GNG4: variants seen among roughly 807,000 people sequenced by gnomAD.
The protein encoded by GNG4 is guanine nucleotide-binding protein G(I)/G(S)/G(O) subunit gamma-4.
Under a neutral mutation model 5.8 loss-of-function variants are expected in GNG4, and 4 were observed. The observed-to-expected ratio is 0.69, with a 90% CI of 0.34 to 1.57. The LOEUF is 1.57. Ranked by LOEUF, GNG4 falls within the 40% of genes most tolerant of loss-of-function variation. GNG4 has a pLI of 0.06. For missense variants in GNG4, 96 were observed against 95.1 expected, an observed-to-expected ratio of 1.01 and a Z score of -0.04; for synonymous variants, 29 against 32.9, an observed-to-expected ratio of 0.88 and a Z score of 0.41.
intron 3 of GNG4, among the ~76,000 whole-genome samples, chr1:235,570,517 C>T (rs1469200065): frequency 6.6e-6 from 1 of 151,702 alleles, no homozygotes; most frequent in African/African-American, 2.4e-5. Context: ...CTGCCTCAGC[C>T]TCCCGAGTAG....
chr1:235,590,762 A>G (rs949170277), intron 2 of GNG4, among the ~76,000 whole-genome samples: 1 of 151,990 alleles, frequency 6.6e-6, no homozygotes, highest in African/African-American at 2.4e-5. Flanking sequence ...GTATTTTACA[A>G]TCTCCCAGGC....
intron 1 of GNG4, among the ~76,000 whole-genome samples, chr1:235,618,454 C>G (rs1317101714): frequency 6.6e-6 from 1 of 152,182 alleles, no homozygotes; most frequent in Non-Finnish European, 1.5e-5. Context: ...GAAAGCTAAT[C>G]TGCAGGGCTC....
intron 1 of GNG4, among the ~76,000 whole-genome samples, chr1:235,611,666 G>A (rs1041558485): frequency 1.3e-5 from 2 of 152,094 alleles, no homozygotes; most frequent in Non-Finnish European, 2.9e-5. Flanking sequence ...TTGAGAAGGG[G>A]GAAAGAGCCC....
chr1:235,557,571 T>C (rs1558472549), intron 3 of GNG4, among the ~76,000 whole-genome samples: 1 of 152,002 alleles, frequency 6.6e-6, no homozygotes. Flanking sequence ...TGGTCAGAAG[T>C]TGGCTGGCTA....
intron 3 of GNG4, among the ~76,000 whole-genome samples, chr1:235,557,668 A>G (rs746323172): frequency 1.3e-5 from 2 of 151,938 alleles, no homozygotes; most frequent in Non-Finnish European, 2.9e-5. Context: ...CGACTCTTTT[A>G]ATTCTCTAGG....
chr1:235,629,381 A>G (rs899489695), intron 1 of GNG4, among the ~76,000 whole-genome samples: 2 of 152,070 alleles, frequency 1.3e-5, no homozygotes, highest in Non-Finnish European at 2.9e-5. Context: ...AACTTCTCCC[A>G]TATGGTATGA....
chr1:235,643,391 G>A (rs1249993228), intron 1 of GNG4, among the ~76,000 whole-genome samples: 2 of 152,118 alleles, frequency 1.3e-5, no homozygotes, highest in Non-Finnish European at 2.9e-5. Context: ...ACTGCTATCA[G>A]AAAGAACTAA....
chr1:235,587,684 TG>T (rs1687844741), intron 2 of GNG4, among the ~76,000 whole-genome samples: 4 of 49,238 alleles, frequency 8.1e-5, no homozygotes, highest in African/African-American at 1.6e-4. Context: ...GGGGTATGTG[TG>T]CGAGTGTTGG....
At chr1:235,630,913 T>G (rs1688919850) in intron 1 of GNG4, among the ~76,000 whole-genome samples, 1 of 152,108 alleles carries the variant, frequency 6.6e-6, no homozygotes, top group Non-Finnish European at 1.5e-5. Context: ...CTTTTTTTTT[T>G]TTTGAGACAG....
intron 2 of GNG4, among the ~76,000 whole-genome samples, chr1:235,594,421 G>T (rs1688072016): frequency 6.6e-6 from 1 of 152,234 alleles, no homozygotes; most frequent in South Asian, 2.1e-4. Context: ...CCAGTCCCAT[G>T]CCATGCGCCC....
chr1:235,570,392 TTC>T lies in GNG4; in HGVS notation c.99+13346_99+13347del, dbSNP rs1277874544. On this transcript the variant is annotated intron_variant, in intron 3 of 3. Coordinates refer to ENST00000391854, the MANE Select transcript of GNG4 (RefSeq NM_001098722.2). ...CTTTCCAACTCGTTAGTTTCACCTC[TTC>T]TTTTTTTTTTTTTTTTTTTTGAGAC... 3.8e-5 allele frequency among the ~76,000 whole-genome samples: 4 copies of T among 106,588 alleles called. No individual in the cohort carries two copies. In the East Asian group the frequency reaches 9.9e-4, roughly 26 times the overall value. 69.9% of individuals were successfully genotyped at this position (106,588 alleles called of 152,430 possible). A position where few individuals can be genotyped will look rare whatever the true frequency, so the allele number is the denominator to read the frequency against.
intron 2 of GNG4, among the ~76,000 whole-genome samples, chr1:235,584,339 T>C (rs1267128407): frequency 1.3e-5 from 2 of 152,226 alleles, no homozygotes; most frequent in African/African-American, 2.4e-5. Flanking sequence ...CCAACATTTG[T>C]GGATCCAGAA....
intron 1 of GNG4, among the ~76,000 whole-genome samples, chr1:235,639,926 A>G (rs1364608618): frequency 6.6e-6 from 1 of 152,166 alleles, no homozygotes; most frequent in Non-Finnish European, 1.5e-5. Flanking sequence ...CAGCTGTCAA[A>G]TGTCTCCTGG....
At chr1:235,581,533 A>AT (rs1346897863) in intron 3 of GNG4, among the ~76,000 whole-genome samples, 1 of 151,240 alleles carries the variant, frequency 6.6e-6, no homozygotes, top group Non-Finnish European at 1.5e-5. Flanking sequence ...AAAAAAAAAA[A>AT]GGTGTGTATC....
At chr1:235,578,674 C>T (rs1044682383) in intron 3 of GNG4, among the ~76,000 whole-genome samples, 3 of 152,132 alleles carry the variant, frequency 2.0e-5, no homozygotes, top group African/African-American at 4.8e-5. Flanking sequence ...AAGCCATGCA[C>T]TGGACAAATA....
intron 3 of GNG4, among the ~76,000 whole-genome samples, chr1:235,570,978 T>G (rs1334252025): frequency 3.8e-4 from 53 of 140,296 alleles, no homozygotes; most frequent in Non-Finnish European, 6.9e-4. Context: ...TTTTTTTTTT[T>G]TTTGAAGAGA....
intron 3 of GNG4, among the ~76,000 whole-genome samples, chr1:235,562,098 T>C (rs1317361051): frequency 1.3e-5 from 2 of 152,248 alleles, no homozygotes; most frequent in Non-Finnish European, 2.9e-5. Flanking sequence ...TGCACCTTTG[T>C]CAAAGATCAG....
At chr1:235,597,617 TGTGTGTGTGTGTA>T (rs1311455056) in intron 1 of GNG4, among the ~76,000 whole-genome samples, 41 of 110,618 alleles carry the variant, frequency 3.7e-4, no homozygotes, top group Middle Eastern at 4.4e-3. Context: ...TGTGTGTGTG[TGTGTGTGTGTGTA>T]TTTTTTTTTT....
At chr1:235,568,167 T>TAA (rs1558477401) in intron 3 of GNG4, among the ~76,000 whole-genome samples, 106 of 74,632 alleles carry the variant, frequency 1.4e-3, no homozygotes, top group African/African-American at 0.012. Flanking sequence ...TTTTTTTTTT[T>TAA]TAAACCTATG....
Sources: gnomAD v4.1 joint callset for allele counts (sites outside exome capture counted in the v4.1 genomes callset) on GRCh38, gnomAD v4.1.1 for gene constraint, MANE v1.5 for transcripts, NCBI Gene and HGNC (gene_info 2026-07-23, HGNC 2026-07-21) for gene names.